ASPG: variants seen among roughly 807,000 people sequenced by gnomAD.
The protein encoded by ASPG is asparaginase.
In ASPG, 53 loss-of-function variants were observed where a neutral mutation model predicts 63.2. That is an observed-to-expected ratio of 0.84 (90% CI 0.67 to 1.05). ASPG has a LOEUF of 1.05. ASPG is among the 50% of genes least tolerant of loss of function. ASPG has a pLI of 0.00. For missense variants in ASPG, 741 were observed against 794.4 expected (o/e 0.93, Z 0.81); for synonymous variants, 370 against 355.0 (o/e 1.04, Z -0.48).
At chr14:104,112,438 G>A (rs1304467418) in intron 15 of ASPG, 86 bp from the exon 16 acceptor site, 56 of 824,988 alleles carry the variant, frequency 6.8e-5, no homozygotes, top group Admixed American at 6.6e-4. Context: ...GGGCTGTGCC[G>A]TACAGACGGG....
Position 104,099,117 on chromosome 14 carries a change from T to C in ASPG, c.640+138T>C, listed in dbSNP as rs919204555. On this transcript the variant is annotated intron_variant, in intron 6 of 15. Transcript: ENST00000551177. ...GTTCTGACTTGCCCTGGCTTGGTTC[T>C]GCCCTGGGCTGTGGAGAAGCCAGGG... 2.2e-6 allele frequency: 3 copies of C among 1,372,868 alleles called. No homozygotes were observed. The African/African-American group carries it at 4.3e-5, about 20-fold the overall frequency. 85.0% of individuals were successfully genotyped at this position (1,372,868 alleles called of 1,614,324 possible).
rs1457258110 is a variant in ASPG, at chr14:104,091,757, A to G, written c.83-876A>G. 7.0e-6 allele frequency among the ~76,000 whole-genome samples: 1 copy of G among 142,758 alleles called. No individual in the cohort carries two copies. The allele number at this position is 142,758 out of a possible 152,430, so 93.7% of individuals were successfully genotyped here. On this transcript the variant is annotated intron_variant, in intron 1 of 15. Transcript: ENST00000551177. This position sits in a 1 kb window ranked among gnomAD's most constrained non-coding sequence, Gnocchi z 6.4. ...ACAGCTGCAGAGGGCGAGGGGGGAA[A>G]GCAGGTGACCATGGCTGGGATCTGC...
In ASPG at chr14:104,085,913, A is replaced by G. The variant is rs577578296; in HGVS notation, c.82+61A>G. On this transcript the variant is annotated intron_variant, in intron 1 of 15. Transcript: ENST00000551177. The stretch of plus-strand genomic sequence containing the variant: ...ACCTGGCCGCGACCGGGAGCCTCGG[A>G]CCCTCCTGCACCCACGGGGGTCGTT... The G allele has an allele frequency of 3.2e-4, 456 of 1,436,420 alleles. 3 individuals are homozygous for G. The South Asian group carries it at 5.7e-3, about 18-fold the overall frequency. 89.0% of individuals were successfully genotyped at this position (1,436,420 alleles called of 1,614,324 possible). A position where few individuals can be genotyped will look rare whatever the true frequency, so the allele number is the denominator to read the frequency against.
rs61733807 is a variant in ASPG at position 104,095,551 on chromosome 14, C to T, written c.324C>T (p.His108=). The change falls in exon 4 of 16, where the codon CAC becomes CAT. Residue 108 remains histidine (H), a synonymous_variant. Transcript: ENST00000551177. ...TGCAGAGGCACTACGAGCAGTACCACGGCTTTGTGGTCATCCACGGCACCG... is the reference window on the plus strand; with the variant it reads ...TGCAGAGGCACTACGAGCAGTACCATGGCTTTGTGGTCATCCACGGCACCG... ...QTIKRHYEQY[H]GFVVIHGTDT... 1.5e-3 allele frequency: 2,354 copies of T among 1,613,102 alleles called. 27 individuals are homozygous for T. The African/African-American group carries it at 0.027, about 18-fold the overall frequency.
chr14:104,105,075 C>T, intron 9 of ASPG: 1 of 609,142 alleles, frequency 1.6e-6, no homozygotes. Flanking sequence ...GCCCCAGACC[C>T]TTGGGTTGCC....
rs1184035384 is a variant in ASPG, at chr14:104,106,866, T to C, written c.1241T>C (p.Val414Ala). ...LACAAAHAGD[V>A]EALQALVELG... is the part of the protein sequence containing the mutation. ...TGTGCTGCTGCCCACGCCGGTGACGTGGAGGCGCTGCAGGCGCTTGTGGAG... is the reference window on the plus strand; with the variant it reads ...TGTGCTGCTGCCCACGCCGGTGACGCGGAGGCGCTGCAGGCGCTTGTGGAG... The change falls in exon 11 of 16, where the codon GTG becomes GCG. Residue 414 changes from valine (V) to alanine (A), a missense_variant. By Grantham distance (64) the Val-to-Ala change is moderately conservative (BLOSUM62 0). Transcript: ENST00000551177. 1 of 1,592,558 alleles carries C rather than the reference T, an allele frequency of 6.3e-7. No homozygotes were observed.
rs78938734 is a variant in ASPG at position 104,095,549 on chromosome 14, C to T, written c.322C>T (p.His108Tyr). The T allele has an allele frequency of 3.7e-6, 6 of 1,613,078 alleles. No homozygotes were observed. Among genetic ancestry groups the T allele is most frequent in the Non-Finnish European group, 3.4e-6 (4 of 1,179,764 alleles). ...CCTGCAGAGGCACTACGAGCAGTAC[C>T]ACGGCTTTGTGGTCATCCACGGCAC... The part of the protein sequence containing the change: ...QTIKRHYEQY[H>Y]GFVVIHGTDT... The change falls in exon 4 of 16, where the codon CAC becomes TAC. Residue 108 changes from histidine (H) to tyrosine (Y), a missense_variant. Physicochemically the swap from His to Tyr is moderately conservative, Grantham distance 83. Coordinates refer to ENST00000551177, the MANE Select transcript of ASPG (RefSeq NM_001080464.3).
At chr14:104,105,255 C>T (rs1198224101) in intron 9 of ASPG, 73 bp from the exon 10 acceptor site, 6 of 1,610,370 alleles carry the variant, frequency 3.7e-6, no homozygotes, top group East Asian at 2.2e-5. Context: ...CCCGGGTAGC[C>T]CGACCCTCCA....
chr14:104,086,442 G>A (rs1332540563), intron 1 of ASPG, among the ~76,000 whole-genome samples: 3 of 152,210 alleles, frequency 2.0e-5, no homozygotes, highest in African/African-American at 7.2e-5. Context: ...ACCAGCGATT[G>A]CGTCTGGACT....
intron 2 of ASPG, 70 bp from the exon 3 acceptor site, chr14:104,093,421 G>A: frequency 7.3e-7 from 1 of 1,372,084 alleles, no homozygotes; most frequent in Non-Finnish European, 1.0e-6. Flanking sequence ...AGCGGGTCAG[G>A]GCATTTAGAG....
chr14:104,093,927 T>C (rs1596070618), intron 3 of ASPG, among the ~76,000 whole-genome samples: 1 of 20,516 alleles, frequency 4.9e-5, no homozygotes. Flanking sequence ...AGGGTGTGGG[T>C]GGGGCTATGA....
intron 10 of ASPG, among the ~76,000 whole-genome samples, chr14:104,106,143 G>A (rs916098760): frequency 7.9e-5 from 12 of 152,258 alleles, no homozygotes; most frequent in African/African-American, 1.7e-4. Context: ...AAGGACTGGC[G>A]TGCATGGCCT....
intron 1 of ASPG, among the ~76,000 whole-genome samples, chr14:104,087,236 C>T (rs2036245854): frequency 6.6e-6 from 1 of 152,214 alleles, no homozygotes; most frequent in Admixed American, 6.5e-5. Flanking sequence ...CTCCTTCTGC[C>T]TGTGAATGGA....
chr14:104,097,687 G>C, intron 5 of ASPG, 50 bp downstream of exon 5: 1 of 1,522,332 alleles, frequency 6.6e-7, no homozygotes, highest in Non-Finnish European at 8.9e-7. Flanking sequence ...GGGGGCAGGA[G>C]CCCAGACAGC....
Position 104,098,883 on chromosome 14 carries a change from C to T in ASPG, c.544C>T (p.Arg182Trp), listed in dbSNP as rs374851348. ...CCTTTTCTTCCAGAATCAGCTGTTT[C>T]GGGGCAACCGGGCAACCAAGGTAGA... is the stretch of plus-strand genomic sequence containing the variant. ...VCLFFQNQLF[R>W]GNRATKVDAR... The change falls in exon 6 of 16, where the codon CGG becomes TGG. Residue 182 changes from arginine (R) to tryptophan (W), a missense_variant. Transcript: ENST00000551177. 3.0e-5 allele frequency: 48 copies of T among 1,612,778 alleles called. No homozygotes were observed. Among genetic ancestry groups the T allele is most frequent in the Middle Eastern group, 1.6e-4 (1 of 6,078 alleles).
chr14:104,096,156 C>G (rs181431120), intron 4 of ASPG, among the ~76,000 whole-genome samples: 2 of 152,316 alleles, frequency 1.3e-5, no homozygotes, highest in East Asian at 3.9e-4. Context: ...TAACCCAGCA[C>G]AAATCCCATA....
At chr14:104,099,050 C>T in intron 6 of ASPG, 71 bp downstream of exon 6, 3 of 1,517,200 alleles carry the variant, frequency 2.0e-6, no homozygotes, top group African/African-American at 1.4e-5. Context: ...CTGCAGGGAG[C>T]TCGTGGCTGG....
At position 104,110,942 on chromosome 14, in the gene ASPG, C is replaced by T; in HGVS notation, c.1521-560C>T. 2 of 985,364 alleles carry T rather than the reference C, an allele frequency of 2.0e-6. No individual in the cohort carries two copies. Among genetic ancestry groups the T allele is most frequent in the South Asian group, 4.7e-5 (1 of 21,282 alleles). 61.0% of individuals were successfully genotyped at this position (985,364 alleles called of 1,614,324 possible). The stretch of plus-strand genomic sequence containing the variant: ...CCCAGACCCCTGTCCCAGCCAGGAC[C>T]CCCCCATGCAGTCTGCCGGGGTCCA... On this transcript the variant is annotated intron_variant, in intron 13 of 15. Transcript: ENST00000551177. This position sits in a 1 kb window ranked among gnomAD's most constrained non-coding sequence, Gnocchi z 4.7.
intron 4 of ASPG, among the ~76,000 whole-genome samples, chr14:104,096,996 G>A (rs2036623778): frequency 6.6e-5 from 10 of 152,238 alleles, no homozygotes. Flanking sequence ...AGCTGTGGGA[G>A]GAGCTGTACT....
Sources: allele counts gnomAD v4.1 joint callset (sites outside exome capture counted in the v4.1 genomes callset), GRCh38; gene constraint gnomAD v4.1.1; non-coding constraint Gnocchi (gnomAD v3.1); transcripts MANE v1.5; gene names NCBI Gene and HGNC (gene_info 2026-07-23, HGNC 2026-07-21).